MBOAT7: variants seen among roughly 807,000 people sequenced by gnomAD.
MBOAT7 encodes the protein membrane-bound acylglycerophosphatidylinositol O-acyltransferase MBOAT7.
Under a neutral mutation model 47.4 loss-of-function variants are expected in MBOAT7, and 40 were observed. The ratio of observed to expected loss-of-function variants is 0.84; its 90% CI spans 0.66 to 1.10. MBOAT7 has a LOEUF of 1.10. MBOAT7 is among the 50% of genes least tolerant of loss of function. The probability of loss-of-function intolerance (pLI) is 0.00; values close to 1 mark genes in which losing one functional copy is unlikely to be tolerated. For missense variants in MBOAT7, 680 were observed against 655.6 expected (o/e 1.04, Z -0.41); for synonymous variants, 361 against 292.0 (o/e 1.24, Z -2.41).
intron 5 of MBOAT7, 60 bp from the exon 6 acceptor site, chr19:54,181,193 CAGG>C (rs1423398875): frequency 6.3e-6 from 9 of 1,437,812 alleles, no homozygotes; most frequent in Non-Finnish European, 8.2e-6. Flanking sequence ...CTCAAGTCTG[CAGG>C]AGGAGGACAG....
Position 54,188,462 on chromosome 19 carries a change from A to C in MBOAT7, c.47T>G (p.Ile16Ser). 6.4e-7 allele frequency: 1 copy of C among 1,556,974 alleles called. No homozygotes were observed. The highest frequency in any genetic ancestry group is 8.7e-7 in the Non-Finnish European group (1 of 1,149,522). ...WTYLVVLLISIPIGFLFKKAG... is the reference protein window; with the variant it reads ...WTYLVVLLISSPIGFLFKKAG... ...TTTCTTAAAGAGGAAGCCGATGGGG[A>C]TGGAGATAAGAAGAACCACTAGATA... Residue 16 changes from isoleucine (I) to serine (S), a missense_variant, in exon 2 of 8, where the codon ATC (isoleucine) becomes AGC (serine). Transcript: ENST00000245615.
In MBOAT7 at chr19:54,173,538, C is replaced by T. The variant is rs578108146; in HGVS notation, c.*506G>A. 1.7e-4 allele frequency: 31 copies of T among 181,480 alleles called. No homozygotes were observed. The highest frequency in any genetic ancestry group is 4.0e-4 in the African/African-American group (17 of 42,276). The allele number at this position is 181,480 out of a possible 1,614,324, so 11.2% of individuals were successfully genotyped here. A position where few individuals can be genotyped will look rare whatever the true frequency, so the allele number is the denominator to read the frequency against. ...GCTCAGATGGAAGCCATGGGACGGC[C>T]GTCCCCAGGCCCGCGCACCCGCACC... On this transcript the variant is annotated 3_prime_UTR_variant, in exon 8 of 8. Coordinates refer to ENST00000245615, the MANE Select transcript of MBOAT7 (RefSeq NM_024298.5).
chr19:54,188,061 G>GAAAGAAAGAAAGAAAGAA (rs2076497598), intron 3 of MBOAT7, among the ~76,000 whole-genome samples, 156 bp downstream of exon 3: 2 of 52,992 alleles, frequency 3.8e-5, no homozygotes, highest in African/African-American at 1.0e-4. Flanking sequence ...AAGAAAGAAA[G>GAAAGAAAGAAAGAAAGAA]AAAGAAAGAC....
intron 7 of MBOAT7, among the ~76,000 whole-genome samples, chr19:54,174,906 A>C (rs2076043504): frequency 1.3e-5 from 2 of 151,566 alleles, no homozygotes. Flanking sequence ...TTCTTTAAAG[A>C]TTTAACATTT....
chr19:54,178,933 T>A lies in MBOAT7; in HGVS notation c.863A>T (p.Lys288Met), dbSNP rs879020029. The change falls in exon 7 of 8, where the codon AAG becomes ATG. Residue 288 changes from lysine (K) to methionine (M), a missense_variant. Transcript: ENST00000245615. ...LQCPPPSSPE[K>M]AASLEYDYET... ...ATAGTCATACTCCAAGGAAGCCGCC[T>A]TCTCCGGACTGGGGGGTGGAGGATG... 1.9e-6 allele frequency: 3 copies of A among 1,612,780 alleles called. No individual in the cohort carries two copies. The highest frequency in any genetic ancestry group is 2.2e-5 in the South Asian group (2 of 91,076).
chr19:54,175,112 A>G (rs1407669973), intron 7 of MBOAT7, among the ~76,000 whole-genome samples: 1 of 151,648 alleles, frequency 6.6e-6, no homozygotes, highest in Non-Finnish European at 1.5e-5. Context: ...AGTAGCTGGG[A>G]CTACAGGCGC....
intron 3 of MBOAT7, among the ~76,000 whole-genome samples, chr19:54,187,515 A>G (rs2076462702): frequency 6.6e-6 from 1 of 152,318 alleles, no homozygotes; most frequent in Admixed American, 6.5e-5. Flanking sequence ...ACAGAGAATG[A>G]GGTTAAGAGA....
intron 7 of MBOAT7, 86 bp downstream of exon 7, chr19:54,178,679 C>A: frequency 6.5e-7 from 1 of 1,534,158 alleles, no homozygotes; most frequent in Non-Finnish European, 8.8e-7. Context: ...GGGCAGGGGC[C>A]CAGCCAGGGA....
At chr19:54,175,777 T>G (rs536492100) in intron 7 of MBOAT7, among the ~76,000 whole-genome samples, 1 of 152,248 alleles carries the variant, frequency 6.6e-6, no homozygotes, top group East Asian at 1.9e-4. Context: ...CATGCTGGAG[T>G]GCAGTGGTGC....
intron 5 of MBOAT7, among the ~76,000 whole-genome samples, chr19:54,182,259 T>A (rs2076308347): frequency 6.6e-6 from 1 of 151,678 alleles, no homozygotes; most frequent in Non-Finnish European, 1.5e-5. Flanking sequence ...AAAAAACAAA[T>A]TAAAATAAAT....
At chr19:54,181,925 GGGAGGGAGGGAAGGAGGGAAGGAA>G (rs2076293626) in intron 5 of MBOAT7, among the ~76,000 whole-genome samples, 1 of 37,392 alleles carries the variant, frequency 2.7e-5, no homozygotes, top group African/African-American at 1.1e-4. Flanking sequence ...GAAGGAGGGA[GGGAGGGAGGGAAGGAGGGAAGGAA>G]GGAGGGAGGG....
intron 4 of MBOAT7, among the ~76,000 whole-genome samples, chr19:54,185,757 G>A (rs2076412674): frequency 6.7e-6 from 1 of 148,912 alleles, no homozygotes; most frequent in Admixed American, 6.7e-5. Context: ...GTGCAATGGC[G>A]GGATCTTGGC....
At chr19:54,181,745 G>A (rs915172246) in intron 5 of MBOAT7, among the ~76,000 whole-genome samples, 13 of 15,624 alleles carry the variant, frequency 8.3e-4, no homozygotes, top group African/African-American at 1.3e-3. Flanking sequence ...GAGGGAGGGA[G>A]GGAAGGAGGG....
chr19:54,173,475 T>C lies in MBOAT7; in HGVS notation c.*569A>G. ...CGGTGACCTGTCATAGGCCAAGCGA[T>C]GAGAAGAGGGCGCCAGGAGTGCTGG... On this transcript the variant is annotated 3_prime_UTR_variant, in exon 8 of 8. Transcript: ENST00000245615. 5.0e-6 allele frequency: 1 copy of C among 201,054 alleles called. No homozygotes were observed. The highest frequency in any genetic ancestry group is 1.0e-5 in the Non-Finnish European group (1 of 98,852). The allele number at this position is 201,054 out of a possible 1,614,324, so 12.5% of individuals were successfully genotyped here.
At chr19:54,179,297 C>G (rs2076203247) in intron 6 of MBOAT7, 2 of 322,234 alleles carry the variant, frequency 6.2e-6, no homozygotes, top group Non-Finnish European at 1.2e-5. Flanking sequence ...ATGGTCCCTT[C>G]TAAATTGTCG....
At chr19:54,177,749 T>C (rs908391700) in intron 7 of MBOAT7, among the ~76,000 whole-genome samples, 2 of 150,974 alleles carry the variant, frequency 1.3e-5, no homozygotes, top group Non-Finnish European at 3.0e-5. Context: ...GCTAATTTTT[T>C]GTATTTTTAG....
chr19:54,178,881 G>C lies in MBOAT7; in HGVS notation c.915C>G (p.Tyr305Ter), dbSNP rs2076189267. ...DYETIRNIDC[Y>*]STDFCVRVRD... ...GCACCCGCACGCAGAAATCTGTGCT[G>C]TAGCAGTCGATGTTGCGGATGGTCT... The change falls in exon 7 of 8, where the codon TAC (tyrosine) becomes TAG (stop). Residue 305 changes from tyrosine (Y) to a stop codon, truncating the protein, a stop_gained. Coordinates refer to ENST00000245615, the MANE Select transcript of MBOAT7 (RefSeq NM_024298.5). LOFTEE classifies it high-confidence loss of function. 6.2e-7 allele frequency: 1 copy of C among 1,613,688 alleles called. No homozygotes were observed. Among genetic ancestry groups the C allele is most frequent in the Non-Finnish European group, 8.5e-7 (1 of 1,180,032 alleles).
In MBOAT7 at chr19:54,188,248, C is replaced by T. The variant is rs534373157; in HGVS notation, c.175G>A (p.Gly59Arg). Reference sequence around the variant, plus strand: ...TGGGCCTGAATGAGGGCCCAGGTCCCGAGGATGGTGACCAGAGAATGCAAA... The same window carrying T: ...TGGGCCTGAATGAGGGCCCAGGTCCTGAGGATGGTGACCAGAGAATGCAAA... ...HTLHSLVTIL[G>R]TWALIQAQPC... The change falls in exon 3 of 8, where the codon GGG (glycine) becomes AGG (arginine). Residue 59 changes from glycine to arginine, a missense_variant. Coordinates refer to ENST00000245615, the MANE Select transcript of MBOAT7 (RefSeq NM_024298.5). The T allele has an allele frequency of 3.1e-6, 5 of 1,613,722 alleles. No individual in the cohort carries two copies. Among genetic ancestry groups the T allele is most frequent in the East Asian group, 2.2e-5 (1 of 44,864 alleles).
At chr19:54,183,265 T>G (rs2076336441) in intron 5 of MBOAT7, among the ~76,000 whole-genome samples, 1 of 152,186 alleles carries the variant, frequency 6.6e-6, no homozygotes, top group African/African-American at 2.4e-5. Context: ...ACCTCCTTTA[T>G]CTCTTCTCTT....
Sources: gnomAD v4.1 joint callset for allele counts (sites outside exome capture counted in the v4.1 genomes callset) on GRCh38, gnomAD v4.1.1 for gene constraint, MANE v1.5 for transcripts, NCBI Gene and HGNC (gene_info 2026-07-23, HGNC 2026-07-21) for gene names.